The following DCDC2C variants were observed in gnomAD, a reference collection of about 807,000 sequenced individuals.
DCDC2C encodes doublecortin domain containing 2C.
DCDC2C carries 44 observed loss-of-function variants against 45.0 expected under a neutral mutation model. The observed-to-expected ratio is 0.98, with a 90% CI of 0.77 to 1.26. The LOEUF is 1.26. DCDC2C is among the 50% of genes most tolerant of loss of function. The pLI is 0.00. For synonymous variants in DCDC2C, 187 were observed against 178.8 expected (o/e 1.05, Z -0.37); for missense variants, 447 against 468.9 (o/e 0.95, Z 0.43).
intron 8 of DCDC2C, 52 bp from the exon 9 acceptor site, chr2:3,778,764 A>G: frequency 6.6e-7 from 1 of 1,521,390 alleles, no homozygotes; most frequent in Admixed American, 2.0e-5. Context: ...CTGATTTTTT[A>G]AAAGGAGTTC....
At position 3,742,065 on chromosome 2, in the gene DCDC2C, C is replaced by T; in HGVS notation, c.545+17C>T. The T allele has an allele frequency of 1.3e-6, 2 of 1,513,458 alleles. No individual in the cohort carries two copies. Among genetic ancestry groups the T allele is most frequent in the South Asian group, 2.6e-5 (2 of 76,304 alleles). 93.8% of individuals were successfully genotyped at this position (1,513,458 alleles called of 1,614,324 possible). A position where few individuals can be genotyped will look rare whatever the true frequency, so the allele number is the denominator to read the frequency against. On this transcript the variant is annotated intron_variant, in intron 4 of 10. Coordinates refer to ENST00000399143, the MANE Select transcript of DCDC2C (RefSeq NM_001287444.2). The stretch of plus-strand genomic sequence containing the variant: ...CGTTCGGAAGTAAGGAGACTCTCGC[C>T]TTTAGGACAGCCAGGGGGCGGCAGC...
intron 10 of DCDC2C, among the ~76,000 whole-genome samples, chr2:3,832,537 G>C (rs1671976649): frequency 6.6e-6 from 1 of 152,218 alleles, no homozygotes; most frequent in Non-Finnish European, 1.5e-5. Context: ...AGTGAAGCTG[G>C]CTGCTCTGCC....
In DCDC2C at chr2:3,734,641, C is replaced by A. The variant is rs1442468804; in HGVS notation, c.417-7279C>A. Among the ~76,000 whole-genome samples, 1 of 152,114 alleles carries A rather than the reference C, an allele frequency of 6.6e-6. No individual in the cohort carries two copies. Among genetic ancestry groups the A allele is most frequent in the Non-Finnish European group, 1.5e-5 (1 of 68,024 alleles). On this transcript the variant is annotated intron_variant, in intron 3 of 10. Coordinates refer to ENST00000399143, the MANE Select transcript of DCDC2C (RefSeq NM_001287444.2). The surrounding 1 kb of genome is among the most constrained non-coding windows in gnomAD (Gnocchi z 4.2). ...AGGAATGTGTGTGTCTAATAGGCGA[C>A]CCAGTTGCAAATGAGACAGGCAGCC...
intron 10 of DCDC2C, among the ~76,000 whole-genome samples, chr2:3,825,580 T>C (rs1671794938): frequency 6.6e-6 from 1 of 152,192 alleles, no homozygotes; most frequent in Admixed American, 6.5e-5. Context: ...AGTGGAGAGC[T>C]TGCAGTGACC....
chr2:3,753,451 G>A (rs1669602248), intron 5 of DCDC2C, among the ~76,000 whole-genome samples: 1 of 152,166 alleles, frequency 6.6e-6, no homozygotes, highest in African/African-American at 2.4e-5. Flanking sequence ...CCCATCTGTG[G>A]GATTCTTCAT....
chr2:3,735,494 G>A (rs574970885), intron 3 of DCDC2C, among the ~76,000 whole-genome samples: 2 of 151,816 alleles, frequency 1.3e-5, no homozygotes, highest in Middle Eastern at 3.4e-3. Context: ...ATTCCCACCT[G>A]AGTAACTTTC....
intron 10 of DCDC2C, among the ~76,000 whole-genome samples, chr2:3,846,818 A>C (rs1427401768): frequency 1.3e-5 from 2 of 152,070 alleles, no homozygotes; most frequent in Non-Finnish European, 2.9e-5. Context: ...CTGTGGAGTG[A>C]GAAGGGGGAG....
At chr2:3,705,498 A>G (rs1206692383) in intron 1 of DCDC2C, among the ~76,000 whole-genome samples, 1 of 152,240 alleles carries the variant, frequency 6.6e-6, no homozygotes, top group South Asian at 2.1e-4. Flanking sequence ...ATATCTCTAC[A>G]AAAACTGCCT....
rs573331793 is a variant in DCDC2C at position 3,714,643 on chromosome 2, C to T, written c.339+6043C>T. Among the ~76,000 whole-genome samples the T allele has an allele frequency of 2.6e-5, 4 of 152,286 alleles. No individual in the cohort carries two copies. The East Asian group carries it at 7.7e-4, about 29-fold the overall frequency. On this transcript the variant is annotated intron_variant, in intron 2 of 10. Coordinates refer to ENST00000399143, the MANE Select transcript of DCDC2C (RefSeq NM_001287444.2). ...GTTGAATTTTTTAGATCACTGAAGC[C>T]TACCAATGAATCTAACTCAAAGGAT...
At chr2:3,749,109 G>T (rs1374588141) in intron 4 of DCDC2C, among the ~76,000 whole-genome samples, 1 of 152,100 alleles carries the variant, frequency 6.6e-6, no homozygotes, top group African/African-American at 2.4e-5. Context: ...TATTGGTAAA[G>T]GATTTAGTTT....
At chr2:3,717,174 C>G (rs1332522405) in intron 2 of DCDC2C, among the ~76,000 whole-genome samples, 1 of 152,046 alleles carries the variant, frequency 6.6e-6, no homozygotes, top group Admixed American at 6.5e-5. Flanking sequence ...CAGGCCACCC[C>G]CACTCCATTC....
At chr2:3,766,461 C>T (rs1372076896) in intron 6 of DCDC2C, among the ~76,000 whole-genome samples, 1 of 152,150 alleles carries the variant, frequency 6.6e-6, no homozygotes, top group African/African-American at 2.4e-5. Context: ...CACCATATAC[C>T]ATTTTCTGTT....
chr2:3,712,678 G>T (rs889788243), intron 2 of DCDC2C, among the ~76,000 whole-genome samples: 1 of 152,004 alleles, frequency 6.6e-6, no homozygotes, highest in African/African-American at 2.4e-5. Context: ...TGCTTATTAT[G>T]TTCCAGAAAT....
At chr2:3,724,932 G>C (rs1668596817) in intron 2 of DCDC2C, among the ~76,000 whole-genome samples, 1 of 152,192 alleles carries the variant, frequency 6.6e-6, no homozygotes, top group South Asian at 2.1e-4. Context: ...TGTTGGCAGT[G>C]GACTCAGATG....
intron 10 of DCDC2C, among the ~76,000 whole-genome samples, chr2:3,811,324 T>C (rs1005095031): frequency 6.6e-6 from 1 of 152,202 alleles, no homozygotes; most frequent in African/African-American, 2.4e-5. Context: ...TCCTAGGCAT[T>C]TTATTCTCTT....
intron 2 of DCDC2C, 145 bp downstream of exon 2, chr2:3,708,745 G>T: frequency 1.6e-6 from 1 of 641,840 alleles, no homozygotes; most frequent in Non-Finnish European, 2.7e-6. Flanking sequence ...AACACACTGT[G>T]CAAGCTTGTC....
chr2:3,841,621 A>G (rs889975486), intron 10 of DCDC2C, among the ~76,000 whole-genome samples: 1 of 152,244 alleles, frequency 6.6e-6, no homozygotes, highest in Non-Finnish European at 1.5e-5. Flanking sequence ...CACTTCAGAA[A>G]CAAAGATGAG....
At chr2:3,823,116 A>C (rs753549787) in intron 10 of DCDC2C, among the ~76,000 whole-genome samples, 1 of 152,182 alleles carries the variant, frequency 6.6e-6, no homozygotes, top group Non-Finnish European at 1.5e-5. Flanking sequence ...ATGAAAACAG[A>C]CTAATACAAT....
intron 9 of DCDC2C, 143 bp from the exon 10 acceptor site, chr2:3,784,914 GGC>G (rs1352063832): frequency 1.3e-5 from 6 of 474,270 alleles, no homozygotes; most frequent in Non-Finnish European, 2.0e-5. Flanking sequence ...TGAGGCTTGA[GGC>G]TTTACGCCAA....
Sources: allele counts gnomAD v4.1 joint callset (sites outside exome capture counted in the v4.1 genomes callset), GRCh38; gene constraint gnomAD v4.1.1; non-coding constraint Gnocchi (gnomAD v3.1); transcripts MANE v1.5; gene names NCBI Gene and HGNC (gene_info 2026-07-23, HGNC 2026-07-21).